Variants in SKAP1 observed in about 807,000 individuals in gnomAD.
SKAP1 encodes src kinase associated phosphoprotein 1.
In SKAP1, 44 loss-of-function variants were observed where a neutral mutation model predicts 58.5. That is an observed-to-expected ratio of 0.75 (90% CI 0.59 to 0.97). The LOEUF (loss-of-function observed/expected upper bound fraction) is 0.97, where lower values mean the gene tolerates loss of function less well. Among genes scored for constraint, SKAP1 ranks in the 50% least tolerant of loss-of-function variants. The probability of loss-of-function intolerance (pLI) is 0.00; values close to 1 mark genes in which losing one functional copy is unlikely to be tolerated. For synonymous variants in SKAP1, 127 were observed against 149.7 expected, an observed-to-expected ratio of 0.85 and a Z score of 1.11; for missense variants, 390 against 435.2, an observed-to-expected ratio of 0.90 and a Z score of 0.92.
At chr17:48,174,436 G>C (rs1352024115) in intron 9 of SKAP1, among the ~76,000 whole-genome samples, 1 of 152,120 alleles carries the variant, frequency 6.6e-6, no homozygotes, top group Admixed American at 6.5e-5. Context: ...CACCTCCCTA[G>C]GTTCAGAGGG....
chr17:48,435,218 G>T (rs550975357), upstream of SKAP1, among the ~76,000 whole-genome samples: 1 of 149,712 alleles, frequency 6.7e-6, no homozygotes, highest in African/African-American at 2.5e-5. Flanking sequence ...TTTCTCTATT[G>T]TTCCCAATCC....
intron 4 of SKAP1, among the ~76,000 whole-genome samples, chr17:48,320,506 A>C (rs965495276): frequency 1.3e-5 from 2 of 152,254 alleles, no homozygotes; most frequent in Non-Finnish European, 2.9e-5. Flanking sequence ...AACTCCTAAA[A>C]ATACTAATGG....
At chr17:48,325,637 T>G (rs896426626) in intron 4 of SKAP1, among the ~76,000 whole-genome samples, 2 of 152,188 alleles carry the variant, frequency 1.3e-5, no homozygotes, top group African/African-American at 2.4e-5. Flanking sequence ...TTTTAAAAAA[T>G]TTTAGATTTT....
Position 48,256,448 on chromosome 17 carries a change from C to G in SKAP1, c.281-66948G>C, listed in dbSNP as rs145655974. ...TATCAAGTCTACAAATAAAAAGAAA[C>G]AAAAATATTTTCAGGGCCCCGAAGA... On this transcript the variant is annotated intron_variant, in intron 4 of 12. Transcript: ENST00000336915. Among the ~76,000 whole-genome samples the G allele has an allele frequency of 4.6e-5, 7 of 152,026 alleles. No individual in the cohort carries two copies. In the East Asian group the frequency reaches 1.2e-3, roughly 25 times the overall value.
At chr17:48,442,241 C>A in the SKAP1 span, among the ~76,000 whole-genome samples, 6 of 152,234 alleles carry the variant, frequency 3.9e-5, no homozygotes, top group Admixed American at 2.0e-4. Context: ...TACATAACAG[C>A]TCCTACAGAA....
chr17:48,265,647 A>G (rs1420043903), intron 4 of SKAP1, among the ~76,000 whole-genome samples: 7 of 152,220 alleles, frequency 4.6e-5, no homozygotes, highest in East Asian at 1.9e-4. Flanking sequence ...TTCACATTTT[A>G]TTTTATTCTA....
chr17:48,327,391 A>G (rs1471546809), intron 4 of SKAP1, among the ~76,000 whole-genome samples: 1 of 152,246 alleles, frequency 6.6e-6, no homozygotes, highest in East Asian at 1.9e-4. Context: ...TAAGTGATAG[A>G]GCAGAAAATA....
At chr17:48,289,258 TATC>T (rs1555611988) in intron 4 of SKAP1, among the ~76,000 whole-genome samples, 1 of 152,142 alleles carries the variant, frequency 6.6e-6, no homozygotes, top group Non-Finnish European at 1.5e-5. Flanking sequence ...TTATGAGTAA[TATC>T]ATATTCAAAG....
chr17:48,138,267 A>G (rs749955096), intron 11 of SKAP1, among the ~76,000 whole-genome samples: 37 of 151,424 alleles, frequency 2.4e-4, no homozygotes, highest in Non-Finnish European at 3.8e-4. Context: ...TGCAGTGGCA[A>G]GATCTCAGCT....
intron 3 of SKAP1, among the ~76,000 whole-genome samples, chr17:48,352,318 A>G (rs1006977662): frequency 6.6e-6 from 1 of 152,172 alleles, no homozygotes; most frequent in Non-Finnish European, 1.5e-5. Flanking sequence ...CATTCCATCT[A>G]CCACTGGTAT....
chr17:48,337,187 C>A (rs576087780), intron 4 of SKAP1, among the ~76,000 whole-genome samples: 2 of 152,146 alleles, frequency 1.3e-5, no homozygotes, highest in African/African-American at 2.4e-5. Context: ...TAGGGCCCAA[C>A]ATAAAAAAGG....
At chr17:48,388,435 GGA>G (rs1491182114) in intron 2 of SKAP1, among the ~76,000 whole-genome samples, 8 of 151,662 alleles carry the variant, frequency 5.3e-5, no homozygotes, top group Non-Finnish European at 8.8e-5. Context: ...CTCTGTCTCA[GGA>G]AACAAACAAA....
At chr17:48,205,037 T>TTCTCTC (rs376567367) in intron 4 of SKAP1, among the ~76,000 whole-genome samples, 164 of 55,776 alleles carry the variant, frequency 2.9e-3, no homozygotes, top group African/African-American at 8.4e-3. Flanking sequence ...CTTTCTTTCT[T>TTCTCTC]TCTCTCTCTC....
intron 11 of SKAP1, among the ~76,000 whole-genome samples, chr17:48,138,916 T>A (rs969939746): frequency 1.3e-5 from 2 of 150,590 alleles, no homozygotes; most frequent in African/African-American, 4.9e-5. Flanking sequence ...TGAGACAGAG[T>A]CTCACTCTGT....
rs552011545 is a variant in SKAP1, at chr17:48,427,443, T to G, written c.46+2632A>C. On this transcript the variant is annotated intron_variant, in intron 1 of 12. Coordinates refer to ENST00000336915, the MANE Select transcript of SKAP1 (RefSeq NM_003726.4). The stretch of plus-strand genomic sequence containing the variant: ...GCATAGATCTTCGTGCATATACTAC[T>G]TCATGACCTTTCACTTCAGTGACAG... 5.3e-5 allele frequency among the ~76,000 whole-genome samples: 8 copies of G among 152,252 alleles called. No homozygotes were observed. In the South Asian group the frequency reaches 1.7e-3, roughly 32 times the overall value.
At chr17:48,296,159 C>T (rs1391668867) in intron 4 of SKAP1, among the ~76,000 whole-genome samples, 1 of 151,878 alleles carries the variant, frequency 6.6e-6, no homozygotes, top group Non-Finnish European at 1.5e-5. Context: ...GAGCCAGAGC[C>T]CAGCCTGTTC....
At chr17:48,415,010 A>C (rs1285180370) in intron 1 of SKAP1, among the ~76,000 whole-genome samples, 1 of 152,212 alleles carries the variant, frequency 6.6e-6, no homozygotes, top group Non-Finnish European at 1.5e-5. Flanking sequence ...TAGTACACTA[A>C]AAGCAAAAAA....
intron 11 of SKAP1, among the ~76,000 whole-genome samples, chr17:48,155,235 C>A (rs1276328563): frequency 2.0e-5 from 3 of 151,520 alleles, no homozygotes; most frequent in Non-Finnish European, 2.9e-5. Context: ...TCAAGCGAGT[C>A]TCCTGCCTCA....
At chr17:48,280,329 C>T (rs866669472) in intron 4 of SKAP1, among the ~76,000 whole-genome samples, 1 of 151,792 alleles carries the variant, frequency 6.6e-6, no homozygotes, top group Admixed American at 6.6e-5. Flanking sequence ...AATCAGCTGG[C>T]TGTGGTGGTG....
Sources: gnomAD v4.1 joint callset for allele counts (sites outside exome capture counted in the v4.1 genomes callset) on GRCh38, gnomAD v4.1.1 for gene constraint, MANE v1.5 for transcripts, NCBI Gene and HGNC (gene_info 2026-07-23, HGNC 2026-07-21) for gene names.